The following DNAH9 variants were observed in gnomAD, a reference collection of about 807,000 sequenced individuals.
DNAH9 encodes dynein axonemal heavy chain 9, also known as DNAH9 variant protein.
Under a neutral mutation model 471.6 loss-of-function variants are expected in DNAH9, and 345 were observed. That is an observed-to-expected ratio of 0.73 (90% CI 0.67 to 0.80). The LOEUF (loss-of-function observed/expected upper bound fraction) is 0.80. Among genes scored for constraint, DNAH9 ranks in the 30% least tolerant of loss-of-function variants. DNAH9 has a pLI of 0.00. For synonymous variants in DNAH9, 2,093 were observed against 2,123.6 expected (o/e 0.99, Z 0.40); for missense variants, 5,407 against 5,609.2 (o/e 0.96, Z 1.15).
In DNAH9 at chr17:11,694,070, A is replaced by T; in HGVS notation, c.4745+72A>T. On this transcript the variant is annotated intron_variant, in intron 21 of 68. Coordinates refer to ENST00000262442, the MANE Select transcript of DNAH9 (RefSeq NM_001372.4). ...CCTTTTCCCCATCGTCTCTGAGACC[A>T]GTGGGCAGAAGTGAGTATGGGTGCC... 6 of 1,551,738 alleles carry T rather than the reference A, an allele frequency of 3.9e-6. No individual in the cohort carries two copies. The South Asian group carries it at 7.0e-5, about 18-fold the overall frequency.
rs1489154623 is a variant in DNAH9, at chr17:11,636,782, T to A, written c.1784T>A (p.Leu595His). The part of the protein sequence containing the change: ...YSQHVQEEAE[L>H]GFSPVHKNMP... Reference sequence around the variant, plus strand: ...CAGCACGTCCAGGAGGAAGCAGAACTTGGTAGGCTTGTTAAAGGGGATTTT... The same window carrying A: ...CAGCACGTCCAGGAGGAAGCAGAACATGGTAGGCTTGTTAAAGGGGATTTT... The change falls in exon 9 of 69, where the codon CTT (leucine) becomes CAT (histidine). Residue 595 changes from leucine (L) to histidine (H), a missense_variant and splice_region_variant. By Grantham distance (99) the Leu-to-His change is moderately conservative. Coordinates refer to ENST00000262442, the MANE Select transcript of DNAH9 (RefSeq NM_001372.4). The A allele has an allele frequency of 6.2e-7, 1 of 1,613,776 alleles. No individual in the cohort carries two copies. The highest frequency in any genetic ancestry group is 1.7e-5 in the Admixed American group (1 of 59,982).
Position 11,760,260 on chromosome 17 carries a change from C to T in DNAH9, c.6995+2568C>T, listed in dbSNP as rs193150436. 3.3e-4 allele frequency among the ~76,000 whole-genome samples: 51 copies of T among 152,264 alleles called. No homozygotes were observed. The South Asian group carries it at 4.6e-3, about 14-fold the overall frequency. On this transcript the variant is annotated intron_variant, in intron 35 of 68. Transcript: ENST00000262442. The stretch of plus-strand genomic sequence containing the variant: ...AATAATTTCTTTTCCTTTGCATCCC[C>T]GTTCTTTAGGATTTTCCTGAGACAC...
chr17:11,960,391 G>A (rs544901036), intron 67 of DNAH9, among the ~76,000 whole-genome samples: 17 of 141,322 alleles, frequency 1.2e-4, no homozygotes, highest in Admixed American at 5.4e-4. Flanking sequence ...AGCTGAGATC[G>A]TGCTACTGCA....
chr17:11,835,955 T>C lies in DNAH9; in HGVS notation c.9507+1057T>C, dbSNP rs572631270. On this transcript the variant is annotated intron_variant, in intron 49 of 68. Transcript: ENST00000262442. ...TGCCTCGGAGCTAGCCCGCTATTTG[T>C]ATGCACTCTAGATTTCTGGGATGTA... is the stretch of plus-strand genomic sequence containing the variant. Among the ~76,000 whole-genome samples, 8 of 152,320 alleles carry C rather than the reference T, an allele frequency of 5.3e-5. No individual in the cohort carries two copies. In the South Asian group the frequency reaches 1.7e-3, roughly 32 times the overall value.
chr17:11,825,311 A>G lies in DNAH9; in HGVS notation c.9246+2277A>G, dbSNP rs115643059. Among the ~76,000 whole-genome samples, 841 of 152,092 alleles carry G rather than the reference A, an allele frequency of 5.5e-3. 11 individuals carry two copies. Among genetic ancestry groups the G allele is most frequent in the African/African-American group, 0.02 (813 of 41,504 alleles). ...TTTTAAAAACATCTTCCACCTCCCC[A>G]TTGTGCTTCCTCTCCTCACCGCCTA... On this transcript the variant is annotated intron_variant, in intron 48 of 68. Transcript: ENST00000262442.
intron 1 of DNAH9, among the ~76,000 whole-genome samples, chr17:11,603,236 T>C (rs562191950): frequency 6.6e-6 from 1 of 152,326 alleles, no homozygotes; most frequent in Non-Finnish European, 1.5e-5. Context: ...CATTCTATTT[T>C]TTTTCTATTC....
chr17:11,845,485 A>C (rs1426485715), intron 49 of DNAH9, among the ~76,000 whole-genome samples: 1 of 150,952 alleles, frequency 6.6e-6, no homozygotes, highest in African/African-American at 2.5e-5. Context: ...TGTGTCTTTA[A>C]AGCAGCATGA....
intron 50 of DNAH9, among the ~76,000 whole-genome samples, chr17:11,855,390 T>G (rs1446298785): frequency 6.6e-6 from 1 of 152,250 alleles, no homozygotes; most frequent in Admixed American, 6.5e-5. Flanking sequence ...ACAGCTTGTT[T>G]CACTTCCTTT....
At chr17:11,637,209 C>T in intron 9 of DNAH9, among the ~76,000 whole-genome samples, 1 of 152,152 alleles carries the variant, frequency 6.6e-6, no homozygotes, top group Non-Finnish European at 1.5e-5. Context: ...CAGGAGCCCT[C>T]CAAAGGGCAG....
chr17:11,788,881 G>A (rs1968968572), intron 41 of DNAH9, among the ~76,000 whole-genome samples: 1 of 151,994 alleles, frequency 6.6e-6, no homozygotes, highest in African/African-American at 2.4e-5. Flanking sequence ...GTTTTTCTGG[G>A]TACCTTTTAC....
chr17:11,798,184 AGCACTTTG>A (rs765961980), intron 43 of DNAH9, among the ~76,000 whole-genome samples: 34 of 152,158 alleles, frequency 2.2e-4, no homozygotes, highest in Non-Finnish European at 4.7e-4. Flanking sequence ...CTGTAATCCC[AGCACTTTG>A]GAGGCCGAGG....
intron 61 of DNAH9, among the ~76,000 whole-genome samples, chr17:11,909,354 C>T (rs1973713208): frequency 1.3e-5 from 2 of 152,256 alleles, no homozygotes; most frequent in South Asian, 2.1e-4. Flanking sequence ...GCCAACATCC[C>T]CACTGGCCTA....
In DNAH9 at chr17:11,807,752, TGGAGTCCCC is replaced by T. The variant is rs748794044; in HGVS notation, c.8443_8451del (p.Glu2815_Pro2817del). The stretch of plus-strand genomic sequence containing the variant: ...TTTAGCTGCCATATCAATCGCATCT[TGGAGTCCCC>T]GCGGGGAAATGCTCTGCTGGTTGGT... On this transcript the variant is annotated inframe_deletion, in exon 44 of 69. Transcript: ENST00000262442. The T allele has an allele frequency of 2.4e-5, 38 of 1,610,676 alleles. No homozygotes were observed. Among genetic ancestry groups the T allele is most frequent in the Non-Finnish European group, 3.1e-5 (37 of 1,177,350 alleles).
intron 17 of DNAH9, among the ~76,000 whole-genome samples, chr17:11,671,181 G>C (rs183831642): frequency 2.0e-5 from 3 of 152,156 alleles, no homozygotes; most frequent in Non-Finnish European, 2.9e-5. Context: ...TCATTGCTAC[G>C]TCTGGTAATT....
chr17:11,862,726 G>A (rs925840304), intron 50 of DNAH9, among the ~76,000 whole-genome samples: 7 of 152,084 alleles, frequency 4.6e-5, no homozygotes, highest in African/African-American at 1.2e-4. Flanking sequence ...TCCCTGAAGA[G>A]GTCCTTCACA....
At chr17:11,915,628 A>T (rs1973926306) in intron 61 of DNAH9, among the ~76,000 whole-genome samples, 1 of 152,212 alleles carries the variant, frequency 6.6e-6, no homozygotes, top group Admixed American at 6.5e-5. Context: ...CCTGCATGGC[A>T]TGGCTTTTCT....
chr17:11,614,075 T>A (rs1422405064), intron 4 of DNAH9, among the ~76,000 whole-genome samples: 2 of 152,166 alleles, frequency 1.3e-5, no homozygotes, highest in South Asian at 4.1e-4. Flanking sequence ...GAGAAATTCT[T>A]TAAATATGAA....
intron 45 of DNAH9, among the ~76,000 whole-genome samples, chr17:11,811,766 AT>A (rs2150929130): frequency 6.6e-6 from 1 of 151,972 alleles, no homozygotes; most frequent in Non-Finnish European, 1.5e-5. Context: ...TCAAAGGTAT[AT>A]TGTTCCTGGA....
chr17:11,814,117 GAGGAATGT>G (rs1171049922), intron 45 of DNAH9, among the ~76,000 whole-genome samples: 1 of 152,142 alleles, frequency 6.6e-6, no homozygotes, highest in Admixed American at 6.5e-5. Flanking sequence ...AATAATTCCT[GAGGAATGT>G]GCACTGATCA....
Sources: gnomAD v4.1 joint callset for allele counts (sites outside exome capture counted in the v4.1 genomes callset) on GRCh38, gnomAD v4.1.1 for gene constraint, MANE v1.5 for transcripts, NCBI Gene and HGNC (gene_info 2026-07-23, HGNC 2026-07-21) for gene names.